LRMDA: variants seen among roughly 807,000 people sequenced by gnomAD.
LRMDA encodes the protein leucine-rich melanocyte differentiation-associated protein.
Under a neutral mutation model 29.8 loss-of-function variants are expected in LRMDA, and 18 were observed. The observed-to-expected ratio is 0.60, with a 90% CI of 0.42 to 0.90. The LOEUF is 0.90. Among genes scored for constraint, LRMDA ranks in the 40% least tolerant of loss-of-function variants. The pLI, the probability that LRMDA is intolerant of heterozygous loss-of-function variation, is 0.00. For synonymous variants in LRMDA, 125 were observed against 109.4 expected (o/e 1.14, Z -0.89); for missense variants, 273 against 273.9 (o/e 1.00, Z 0.02).
intron 2 of LRMDA, among the ~76,000 whole-genome samples, chr10:75,575,391 C>A (rs1840491203): frequency 6.6e-6 from 1 of 152,138 alleles, no homozygotes; most frequent in Non-Finnish European, 1.5e-5. Context: ...TCATTTGAGA[C>A]AAGGCTAGTC....
At chr10:75,486,525 G>A (rs1844915455) in intron 2 of LRMDA, among the ~76,000 whole-genome samples, 1 of 152,164 alleles carries the variant, frequency 6.6e-6, no homozygotes, top group Non-Finnish European at 1.5e-5. Flanking sequence ...GTAGTGCATA[G>A]GAGTTGACTG....
intron 2 of LRMDA, among the ~76,000 whole-genome samples, chr10:75,889,085 T>G (rs551327387): frequency 6.6e-6 from 1 of 152,326 alleles, no homozygotes; most frequent in African/African-American, 2.4e-5. Flanking sequence ...TGTGTGTGTG[T>G]ATACATGTAT....
intron 6 of LRMDA, among the ~76,000 whole-genome samples, chr10:76,434,552 C>T (rs1265697881): frequency 6.6e-6 from 1 of 152,180 alleles, no homozygotes; most frequent in East Asian, 1.9e-4. Flanking sequence ...CACTTACCTA[C>T]CCACCCATCA....
At position 76,557,240 on chromosome 10, in the gene LRMDA, T is replaced by C. The variant is rs1252767616; in HGVS notation, c.633T>C (p.Tyr211=). 3 of 1,613,994 alleles carry C rather than the reference T, an allele frequency of 1.9e-6. No individual in the cohort carries two copies. The highest frequency in any genetic ancestry group is 2.5e-6 in the Non-Finnish European group (3 of 1,180,022). Residue 211 remains tyrosine (Y), a synonymous_variant, in exon 7 of 7, where the codon TAT becomes TAC. Coordinates refer to ENST00000611255, the MANE Select transcript of LRMDA (RefSeq NM_001305581.2). ...TGGGGAAGTGTCGCTACGTTTACTA[T>C]GGGAAAAACTCAGAGGGCAACAGGT... ...GVLGKCRYVY[Y]GKNSEGNRFI... is the part of the protein sequence containing the mutation.
intron 6 of LRMDA, among the ~76,000 whole-genome samples, chr10:76,433,091 C>T (rs561675795): frequency 6.6e-6 from 1 of 152,280 alleles, no homozygotes; most frequent in South Asian, 2.1e-4. Flanking sequence ...TTGCATGGGG[C>T]CTTGTTCAGC....
intron 2 of LRMDA, among the ~76,000 whole-genome samples, chr10:75,675,048 G>A (rs1589153999): frequency 1.3e-5 from 2 of 152,274 alleles, no homozygotes; most frequent in East Asian, 3.9e-4. Context: ...GCAGGTCTGT[G>A]TATTGATCAG....
chr10:75,625,917 T>A (rs1841244211), intron 2 of LRMDA, among the ~76,000 whole-genome samples: 1 of 152,046 alleles, frequency 6.6e-6, no homozygotes, highest in African/African-American at 2.4e-5. Flanking sequence ...AGTGGTATGA[T>A]CATAGCTCAC....
intron 6 of LRMDA, among the ~76,000 whole-genome samples, chr10:76,333,034 C>T (rs1362669627): frequency 6.6e-6 from 1 of 152,160 alleles, no homozygotes; most frequent in Non-Finnish European, 1.5e-5. Context: ...GGTGAGACTA[C>T]TCAGGCATGA....
intron 2 of LRMDA, chr10:75,451,187 A>C (rs1477682280): frequency 6.6e-6 from 1 of 152,206 alleles, no homozygotes; most frequent in African/African-American, 2.4e-5. Context: ...TTCACTTAGC[A>C]TTTGAAACTG....
At chr10:76,428,143 C>T (rs535229482) in intron 6 of LRMDA, among the ~76,000 whole-genome samples, 1 of 152,200 alleles carries the variant, frequency 6.6e-6, no homozygotes, top group East Asian at 1.9e-4. Context: ...GTGGCTGAGC[C>T]AAAACACTCA....
intron 2 of LRMDA, among the ~76,000 whole-genome samples, chr10:75,652,026 C>A (rs1841606058): frequency 6.6e-6 from 1 of 152,156 alleles, no homozygotes; most frequent in Admixed American, 6.5e-5. Context: ...AATTTAATTT[C>A]TCATTGCTTC....
At chr10:76,447,196 A>G (rs1453237277) in intron 6 of LRMDA, among the ~76,000 whole-genome samples, 1 of 151,602 alleles carries the variant, frequency 6.6e-6, no homozygotes, top group Non-Finnish European at 1.5e-5. Flanking sequence ...TTTCAATTAT[A>G]TTATTTCTGT....
At chr10:75,880,420 TTC>T (rs1275970534) in intron 2 of LRMDA, among the ~76,000 whole-genome samples, 1 of 152,214 alleles carries the variant, frequency 6.6e-6, no homozygotes, top group Non-Finnish European at 1.5e-5. Flanking sequence ...TTTTACAAAT[TTC>T]TGTGTAAGCC....
At chr10:76,387,711 GA>G (rs1303243956) in intron 6 of LRMDA, among the ~76,000 whole-genome samples, 2 of 152,026 alleles carry the variant, frequency 1.3e-5, no homozygotes, top group African/African-American at 2.4e-5. Context: ...AGATTATTAA[GA>G]AAGTAAAGGA....
chr10:76,297,176 T>C (rs969928430), intron 5 of LRMDA, among the ~76,000 whole-genome samples: 3 of 152,236 alleles, frequency 2.0e-5, no homozygotes, highest in African/African-American at 7.2e-5. Flanking sequence ...CTCAATTGAT[T>C]GATGAGTTCT....
At chr10:75,999,354 C>CT (rs1379656174) in intron 2 of LRMDA, among the ~76,000 whole-genome samples, 1 of 152,046 alleles carries the variant, frequency 6.6e-6, no homozygotes, top group Non-Finnish European at 1.5e-5. Flanking sequence ...GTCACAGCAC[C>CT]TGGCTTACAA....
At chr10:75,643,005 T>A (rs1407872833) in intron 2 of LRMDA, 1 of 152,300 alleles carries the variant, frequency 6.6e-6, no homozygotes, top group South Asian at 2.1e-4. Flanking sequence ...AGACTGAAGA[T>A]GACTTGATGC....
chr10:75,499,441 G>A (rs1029006998), intron 2 of LRMDA, among the ~76,000 whole-genome samples: 3 of 152,196 alleles, frequency 2.0e-5, no homozygotes, highest in Admixed American at 2.0e-4. Context: ...GGATGAGCAG[G>A]CCCAGGTGCT....
intron 5 of LRMDA, among the ~76,000 whole-genome samples, chr10:76,161,888 G>C (rs756313752): frequency 6.6e-6 from 1 of 152,158 alleles, no homozygotes; most frequent in Non-Finnish European, 1.5e-5. Context: ...GATTCTGCTC[G>C]CTCTGTTTTT....
Sources: allele counts gnomAD v4.1 joint callset (sites outside exome capture counted in the v4.1 genomes callset), GRCh38; gene constraint gnomAD v4.1.1; transcripts MANE v1.5; gene names NCBI Gene and HGNC (gene_info 2026-07-23, HGNC 2026-07-21).